The following HTR2C variants were observed in gnomAD, a reference collection of about 807,000 sequenced individuals.
The protein encoded by HTR2C is 5-hydroxytryptamine receptor 2C, also known as 5-hydroxytryptamine (serotonin) receptor 2C, G protein-coupled.
A neutral mutation model predicts 21.0 loss-of-function variants in HTR2C; 5 were observed. The ratio of observed to expected loss-of-function variants is 0.24; its 90% CI spans 0.12 to 0.50. The LOEUF (loss-of-function observed/expected upper bound fraction) is 0.50, where lower values mean the gene tolerates loss of function less well. Among genes scored for constraint, HTR2C ranks in the 20% least tolerant of loss-of-function variants. The pLI is 0.98. For synonymous variants in HTR2C, 150 were observed against 145.3 expected, an observed-to-expected ratio of 1.03 and a Z score of -0.23; for missense variants, 271 against 371.2, an observed-to-expected ratio of 0.73 and a Z score of 2.22.
chrX:114,822,003 C>A (rs1482183474), intron 4 of HTR2C, among the ~76,000 whole-genome samples: 2 of 106,971 alleles, frequency 1.9e-5, no homozygotes, highest in Non-Finnish European at 3.9e-5. Context: ...CGCAACATCA[C>A]CCCTAGATAA....
At chrX:114,623,590 C>G (rs1556402195) in intron 2 of HTR2C, among the ~76,000 whole-genome samples, 1 of 111,468 alleles carries the variant, frequency 9.0e-6, no homozygotes, top group Admixed American at 9.6e-5. Context: ...TAGTGGCATG[C>G]CCCTGGATAA....
intron 4 of HTR2C, among the ~76,000 whole-genome samples, chrX:114,806,959 GTATATACCA>G (rs1213282071): frequency 1.4e-4 from 13 of 93,840 alleles, no homozygotes; most frequent in African/African-American, 2.4e-4. Context: ...TATACCATAT[GTATATACCA>G]TATATACCAT....
intron 2 of HTR2C, among the ~76,000 whole-genome samples, chrX:114,641,055 T>TCTTTTTTTCTTTTCTTTTC (rs1556406337): frequency 3.0e-5 from 3 of 101,426 alleles, no homozygotes; most frequent in African/African-American, 1.2e-4. Flanking sequence ...TTTCTTTCTT[T>TCTTTTTTTCTTTTCTTTTC]TTTTCTTTTC....
At chrX:114,742,712 T>TG (rs1491421163) in intron 4 of HTR2C, among the ~76,000 whole-genome samples, 1 of 9,576 alleles carries the variant, frequency 1.0e-4, no homozygotes, top group Non-Finnish European at 2.4e-4. Flanking sequence ...GCAGCTACTG[T>TG]TTTTTTTTTT....
At chrX:114,775,997 C>T (rs1602771315) in intron 4 of HTR2C, 2 of 401,538 alleles carry the variant, frequency 5.0e-6, no homozygotes, top group East Asian at 4.2e-5. Context: ...AGTACAGAGG[C>T]GTCTTATAGC....
At chrX:114,783,011 A>T in intron 4 of HTR2C, among the ~76,000 whole-genome samples, 1 of 111,483 alleles carries the variant, frequency 9.0e-6, no homozygotes, top group Middle Eastern at 4.8e-3. Context: ...AAAAAGGGTA[A>T]GAAAGGAAAG....
rs1602654137 is a variant in HTR2C at position 114,638,069 on chromosome X, C to A, written c.-80+24188C>A. On this transcript the variant is annotated intron_variant, in intron 2 of 5. Transcript: ENST00000276198. ...GGCTCTTTGCCTAACTACTAGGCAA[C>A]TTTGCTTAATGTAGAAAGAAATGAC... Among the ~76,000 whole-genome samples, 4 of 111,289 alleles carry A rather than the reference C, an allele frequency of 3.6e-5. No individual in the cohort carries two copies. In the East Asian group the frequency reaches 1.1e-3, roughly 31 times the overall value.
chrX:114,825,850 G>A (rs903134319), intron 4 of HTR2C, among the ~76,000 whole-genome samples: 2 of 110,905 alleles, frequency 1.8e-5, no homozygotes, highest in Non-Finnish European at 3.8e-5. Context: ...TAAACGTTTA[G>A]GACTGTTATA....
chrX:114,607,576 T>C (rs1470957874), intron 1 of HTR2C, among the ~76,000 whole-genome samples: 2 of 112,296 alleles, frequency 1.8e-5, no homozygotes, highest in East Asian at 5.6e-4. Context: ...CTTCAGTTGT[T>C]TGGCACATTT....
At chrX:114,637,489 T>C (rs782431834) in intron 2 of HTR2C, among the ~76,000 whole-genome samples, 56 of 111,995 alleles carry the variant, frequency 5.0e-4, no homozygotes, top group Non-Finnish European at 8.1e-4. Flanking sequence ...ACTAAGTGTA[T>C]GTGTAAAATA....
chrX:114,823,825 T>C (rs2070656741), intron 4 of HTR2C, among the ~76,000 whole-genome samples: 1 of 111,369 alleles, frequency 9.0e-6, no homozygotes, highest in Non-Finnish European at 1.9e-5. Context: ...TCCAGAATTG[T>C]GCCACCTACT....
intron 4 of HTR2C, among the ~76,000 whole-genome samples, chrX:114,771,144 A>G (rs191836601): frequency 9.1e-6 from 1 of 109,429 alleles, no homozygotes; most frequent in East Asian, 2.9e-4. Flanking sequence ...TCTTGTTGAA[A>G]CTCGGACATT....
intron 2 of HTR2C, among the ~76,000 whole-genome samples, chrX:114,640,417 T>C (rs782409427): frequency 8.5e-4 from 95 of 111,852 alleles, no homozygotes; most frequent in African/African-American, 2.9e-3. Context: ...GGCTGGGCCA[T>C]TGGGAAGTTG....
chrX:114,630,513 A>C (rs1929568909), intron 2 of HTR2C, among the ~76,000 whole-genome samples: 1 of 112,030 alleles, frequency 8.9e-6, no homozygotes, highest in Admixed American at 9.5e-5. Context: ...TGAAGTAGTT[A>C]TTACTGATTC....
chrX:114,619,460 T>C (rs1341493941), intron 2 of HTR2C, among the ~76,000 whole-genome samples: 3 of 111,607 alleles, frequency 2.7e-5, no homozygotes, highest in Non-Finnish European at 5.6e-5. Flanking sequence ...TTCAGCATCA[T>C]ATATTCCCTC....
intron 1 of HTR2C, among the ~76,000 whole-genome samples, chrX:114,592,116 T>C (rs1398393905): frequency 8.9e-6 from 1 of 111,842 alleles, no homozygotes; most frequent in Admixed American, 9.5e-5. Flanking sequence ...ATGACTGACT[T>C]CCCTAAGGTT....
chrX:114,775,935 C>G (rs2070052399), intron 4 of HTR2C: 9 of 368,732 alleles, frequency 2.4e-5, no homozygotes, highest in Middle Eastern at 5.1e-4. Flanking sequence ...GAATCGACCT[C>G]AATACTGGCC....
At chrX:114,845,621 T>C (rs1434948857) in intron 4 of HTR2C, among the ~76,000 whole-genome samples, 6 of 110,765 alleles carry the variant, frequency 5.4e-5, no homozygotes, top group Admixed American at 1.9e-4. Flanking sequence ...AATCTTTAGA[T>C]AGACAGACTA....
At chrX:114,767,741 A>ATG (rs1310890608) in intron 4 of HTR2C, among the ~76,000 whole-genome samples, 18 of 108,344 alleles carry the variant, frequency 1.7e-4, no homozygotes, top group African/African-American at 4.6e-4. Flanking sequence ...AAATATATAT[A>ATG]AAATAAATAA....
Sources: gnomAD v4.1 joint callset for allele counts (sites outside exome capture counted in the v4.1 genomes callset) on GRCh38, gnomAD v4.1.1 for gene constraint, MANE v1.5 for transcripts, NCBI Gene and HGNC (gene_info 2026-07-23, HGNC 2026-07-21) for gene names.